Variants in SYN3 observed in about 807,000 individuals in gnomAD.
SYN3 encodes the protein synapsin III, also known as synapsin-3.
In SYN3, 35 loss-of-function variants were observed where a neutral mutation model predicts 65.8. The ratio of observed to expected loss-of-function variants is 0.53; its 90% CI spans 0.41 to 0.70. The LOEUF (loss-of-function observed/expected upper bound fraction) is 0.70. Among genes scored for constraint, SYN3 ranks in the 30% least tolerant of loss-of-function variants. The pLI is 0.00. For missense variants in SYN3, 680 were observed against 749.0 expected (o/e 0.91, Z 1.08); for synonymous variants, 270 against 292.9 (o/e 0.92, Z 0.80).
chr22:33,037,260 C>A (rs368810202), intron 1 of SYN3, among the ~76,000 whole-genome samples: 2 of 152,208 alleles, frequency 1.3e-5, no homozygotes, highest in East Asian at 3.9e-4. Flanking sequence ...AGAAAGGTGG[C>A]GTCACTTGCC....
At chr22:32,565,075 T>A (rs34253295) in intron 7 of SYN3, among the ~76,000 whole-genome samples, 61,628 of 130,938 alleles carry the variant, frequency 0.47, 13,011 homozygotes, top group East Asian at 0.57. Context: ...CAGTGCTCCC[T>A]GACTGTACAC....
intron 6 of SYN3, among the ~76,000 whole-genome samples, chr22:32,656,052 GT>G (rs2060138262): frequency 6.6e-6 from 1 of 152,188 alleles, no homozygotes; most frequent in Non-Finnish European, 1.5e-5. Flanking sequence ...AGAGGATATG[GT>G]CTCTGGGAAT....
intron 9 of SYN3, among the ~76,000 whole-genome samples, chr22:32,536,030 C>G (rs1400716820): frequency 6.6e-6 from 1 of 152,206 alleles, no homozygotes; most frequent in Admixed American, 6.5e-5. Flanking sequence ...CTGGGCAGGC[C>G]CACTCCCACG....
intron 6 of SYN3, among the ~76,000 whole-genome samples, chr22:32,641,255 G>A (rs747785627): frequency 2.6e-5 from 4 of 152,140 alleles, no homozygotes; most frequent in Non-Finnish European, 4.4e-5. Context: ...CACCTCACTG[G>A]AGTTCAAGGC....
intron 4 of SYN3, among the ~76,000 whole-genome samples, chr22:32,888,523 T>C (rs1429949298): frequency 6.6e-6 from 1 of 152,220 alleles, no homozygotes; most frequent in Non-Finnish European, 1.5e-5. Flanking sequence ...TCAGTCTTTT[T>C]AATTTGACAT....
At chr22:32,814,008 C>T (rs1003283065) in intron 6 of SYN3, among the ~76,000 whole-genome samples, 3 of 151,870 alleles carry the variant, frequency 2.0e-5, no homozygotes, top group Admixed American at 1.3e-4. Flanking sequence ...GTCTTGCTCA[C>T]CAGCTCATTG....
intron 7 of SYN3, among the ~76,000 whole-genome samples, chr22:32,587,983 C>T (rs2059074838): frequency 6.6e-6 from 1 of 152,128 alleles, no homozygotes; most frequent in Non-Finnish European, 1.5e-5. Flanking sequence ...GCCTCAGTTT[C>T]CTGATCTGTA....
chr22:32,988,967 T>C (rs1484319168), intron 2 of SYN3, among the ~76,000 whole-genome samples: 4 of 150,996 alleles, frequency 2.6e-5, no homozygotes, highest in Non-Finnish European at 4.4e-5. Context: ...TGCTTCCTCT[T>C]CCGTAGATGG....
intron 6 of SYN3, among the ~76,000 whole-genome samples, chr22:32,679,055 T>A (rs1208357728): frequency 7.2e-6 from 1 of 138,426 alleles, no homozygotes; most frequent in Admixed American, 7.2e-5. Flanking sequence ...TTTCTTTTTT[T>A]TTTTTTTTTT....
chr22:32,747,931 T>C (rs1469087074), intron 6 of SYN3, among the ~76,000 whole-genome samples: 1 of 152,168 alleles, frequency 6.6e-6, no homozygotes, highest in Non-Finnish European at 1.5e-5. Flanking sequence ...ATAAAACTAA[T>C]GATCCCAAGG....
chr22:32,528,053 A>G, intron 11 of SYN3, 48 bp from the exon 12 acceptor site: 4 of 1,408,396 alleles, frequency 2.8e-6, no homozygotes, highest in Non-Finnish European at 3.8e-6. Context: ...ACAGCCCTTT[A>G]CTTCCTGGGT....
intron 4 of SYN3, among the ~76,000 whole-genome samples, chr22:32,922,942 T>C (rs1005934508): frequency 3.9e-5 from 6 of 152,180 alleles, no homozygotes; most frequent in African/African-American, 1.4e-4. Context: ...TGGTCACCTA[T>C]ATTAGTCAGG....
chr22:32,647,123 C>CTTA (rs2059994823), intron 6 of SYN3, among the ~76,000 whole-genome samples: 1 of 152,158 alleles, frequency 6.6e-6, no homozygotes, highest in Admixed American at 6.5e-5. Context: ...ACCTCTCCTA[C>CTTA]TTATATTCTA....
At chr22:32,636,522 A>G (rs1330118405) in intron 6 of SYN3, among the ~76,000 whole-genome samples, 2 of 152,160 alleles carry the variant, frequency 1.3e-5, no homozygotes, top group Non-Finnish European at 2.9e-5. Flanking sequence ...TGTCCCCATG[A>G]CGGGCCATTG....
At chr22:32,618,685 C>T (rs1026986740) in intron 6 of SYN3, among the ~76,000 whole-genome samples, 1 of 152,182 alleles carries the variant, frequency 6.6e-6, no homozygotes, top group Non-Finnish European at 1.5e-5. Context: ...CAGACAATCT[C>T]AGGCCCTGGG....
At chr22:32,906,196 G>A (rs892318057) in intron 4 of SYN3, among the ~76,000 whole-genome samples, 10 of 152,136 alleles carry the variant, frequency 6.6e-5, no homozygotes, top group Admixed American at 6.6e-4. Flanking sequence ...TGCAAACAAC[G>A]ATCTGGCATT....
chr22:32,679,839 C>CTTTTTTTTTTTTTTTTTTTTT lies in SYN3; in HGVS notation c.712-83104_712-83103insAAAAAAAAAAAAAAAAAAAAA, dbSNP rs747116076. Among the ~76,000 whole-genome samples, 190 of 39,104 alleles carry CTTTTTTTTTTTTTTTTTTTTT rather than the reference C, an allele frequency of 4.9e-3. 21 individuals carry two copies. Among genetic ancestry groups the CTTTTTTTTTTTTTTTTTTTTT allele is most frequent in the South Asian group, 9.8e-3 (7 of 714 alleles). The allele number at this position is 39,104 out of a possible 152,430, so 25.7% of individuals were successfully genotyped here. ...AAACTGGGTGAGGTTTGTTTTTTGG[C>CTTTTTTTTTTTTTTTTTTTTT]TTTTTTTTTTTTTTTTTTTGCTATT... On this transcript the variant is annotated intron_variant, in intron 6 of 13. Transcript: ENST00000358763.
chr22:32,719,112 C>T (rs1014976506), intron 6 of SYN3, among the ~76,000 whole-genome samples: 4 of 152,170 alleles, frequency 2.6e-5, no homozygotes, highest in African/African-American at 9.7e-5. Context: ...TTCCCTCATC[C>T]CCTCTTTGAG....
Position 32,657,337 on chromosome 22 carries a change from A to C in SYN3, c.712-60601T>G, listed in dbSNP as rs2060156051. ...ACGGGGTTTCACCATGTTAGCCAGG[A>C]TGGTCTCGATCTACTGACATTGTGA... On this transcript the variant is annotated intron_variant, in intron 6 of 13. Coordinates refer to ENST00000358763, the MANE Select transcript of SYN3 (RefSeq NM_003490.4). Among the ~76,000 whole-genome samples, 7 of 151,696 alleles carry C rather than the reference A, an allele frequency of 4.6e-5. No homozygotes were observed. The South Asian group carries it at 1.5e-3, about 32-fold the overall frequency.
Sources: gnomAD v4.1 joint callset for allele counts (sites outside exome capture counted in the v4.1 genomes callset) on GRCh38, gnomAD v4.1.1 for gene constraint, MANE v1.5 for transcripts, NCBI Gene and HGNC (gene_info 2026-07-23, HGNC 2026-07-21) for gene names.